ST8SIA5: variants seen among roughly 807,000 people sequenced by gnomAD.
The protein encoded by ST8SIA5 is alpha-2,8-sialyltransferase 8E.
Under a neutral mutation model 40.2 loss-of-function variants are expected in ST8SIA5, and 24 were observed. The ratio of observed to expected loss-of-function variants is 0.60; its 90% CI spans 0.43 to 0.84. ST8SIA5 has a LOEUF of 0.84. ST8SIA5 is among the 40% of genes least tolerant of loss of function. ST8SIA5 has a pLI of 0.00. For missense variants in ST8SIA5, 465 were observed against 498.5 expected, an observed-to-expected ratio of 0.93 and a Z score of 0.64; for synonymous variants, 198 against 201.8, an observed-to-expected ratio of 0.98 and a Z score of 0.16.
chr18:46,680,099 C>T lies in ST8SIA5; in HGVS notation c.1074G>A (p.Leu358=), dbSNP rs2039372748. The T allele has an allele frequency of 1.2e-6, 2 of 1,614,100 alleles. No individual in the cohort carries two copies. Among genetic ancestry groups the T allele is most frequent in the Non-Finnish European group, 1.7e-6 (2 of 1,180,014 alleles). ...HAMPSEIFNF[L]HLHSRGILRV... is the part of the protein sequence containing the mutation. ...GGAGGATGCCTCGGCTGTGCAAGTG[C>T]AGGAAGTTGAAGATCTCAGAGGGCA... is the stretch of plus-strand genomic sequence containing the variant. The change falls in exon 7 of 7, where the codon CTG becomes CTA. Residue 358 remains leucine (L), a synonymous_variant. Transcript: ENST00000315087.
intron 1 of ST8SIA5, among the ~76,000 whole-genome samples, chr18:46,719,495 T>A (rs2039829626): frequency 6.6e-6 from 1 of 151,874 alleles, no homozygotes; most frequent in African/African-American, 2.4e-5. Flanking sequence ...AAGTTACAGG[T>A]GAAACCGTGG....
intron 2 of ST8SIA5, among the ~76,000 whole-genome samples, chr18:46,701,653 G>T (rs1259154876): frequency 6.6e-6 from 1 of 152,074 alleles, no homozygotes; most frequent in Non-Finnish European, 1.5e-5. Flanking sequence ...TCAGACCCCT[G>T]GCCTCCAGAA....
At chr18:46,686,334 TCGACCTGCTA>T (rs2039447681) in intron 4 of ST8SIA5, 48 bp from the exon 5 acceptor site, 1 of 1,507,088 alleles carries the variant, frequency 6.6e-7, no homozygotes, top group Admixed American at 1.7e-5. Flanking sequence ...ACCCCCTGCC[TCGACCTGCTA>T]CTCTCACCTC....
chr18:46,752,205 C>A (rs1223155011), intron 1 of ST8SIA5, among the ~76,000 whole-genome samples: 34 of 152,136 alleles, frequency 2.2e-4, no homozygotes, highest in Non-Finnish European at 1.5e-5. Flanking sequence ...AAGACCCCTT[C>A]AAATGCCTCC....
chr18:46,693,224 C>T (rs1201315317), intron 2 of ST8SIA5, among the ~76,000 whole-genome samples: 1 of 152,172 alleles, frequency 6.6e-6, no homozygotes, highest in East Asian at 1.9e-4. Flanking sequence ...TGCCCACCCC[C>T]CAGGGCCTGC....
At chr18:46,737,251 C>G (rs2144554256) in intron 1 of ST8SIA5, among the ~76,000 whole-genome samples, 1 of 152,308 alleles carries the variant, frequency 6.6e-6, no homozygotes, top group Middle Eastern at 3.4e-3. Context: ...CAGGTCCCAC[C>G]AGGGTACTCC....
intron 5 of ST8SIA5, among the ~76,000 whole-genome samples, chr18:46,684,614 A>G (rs2039427982): frequency 6.6e-6 from 1 of 152,274 alleles, no homozygotes; most frequent in South Asian, 2.1e-4. Flanking sequence ...GAACCACTAT[A>G]CGCTCCACTT....
intron 1 of ST8SIA5, among the ~76,000 whole-genome samples, chr18:46,747,768 A>G (rs2040154824): frequency 6.6e-6 from 1 of 152,242 alleles, no homozygotes; most frequent in African/African-American, 2.4e-5. Context: ...AGACTCATGC[A>G]CACATATGTT....
intron 1 of ST8SIA5, among the ~76,000 whole-genome samples, chr18:46,746,656 C>T (rs1300987998): frequency 6.6e-6 from 1 of 152,006 alleles, no homozygotes; most frequent in Non-Finnish European, 1.5e-5. Context: ...AGGTAATTTA[C>T]AGATTCAATG....
intron 1 of ST8SIA5, among the ~76,000 whole-genome samples, chr18:46,706,664 T>C (rs2039673246): frequency 6.6e-6 from 1 of 152,210 alleles, no homozygotes; most frequent in Admixed American, 6.5e-5. Flanking sequence ...GGAGGAAAGC[T>C]AAAAATGACA....
intron 1 of ST8SIA5, among the ~76,000 whole-genome samples, chr18:46,750,596 C>T (rs1335287147): frequency 6.6e-6 from 1 of 152,152 alleles, no homozygotes; most frequent in African/African-American, 2.4e-5. Context: ...CCTCTACTGC[C>T]AACCCAGCAG....
At chr18:46,720,627 C>T (rs1337269241) in intron 1 of ST8SIA5, among the ~76,000 whole-genome samples, 2 of 152,070 alleles carry the variant, frequency 1.3e-5, no homozygotes, top group African/African-American at 4.8e-5. Flanking sequence ...AGAGTTACCC[C>T]CTCCTTAAAA....
At chr18:46,721,570 C>T (rs1332159146) in intron 1 of ST8SIA5, 4 of 968,038 alleles carry the variant, frequency 4.1e-6, no homozygotes, top group Non-Finnish European at 6.3e-6. Context: ...TGACACATTG[C>T]CTTGGTCATG....
At chr18:46,714,116 G>C (rs957397125) in intron 1 of ST8SIA5, among the ~76,000 whole-genome samples, 5 of 152,140 alleles carry the variant, frequency 3.3e-5, no homozygotes, top group Non-Finnish European at 7.4e-5. Context: ...CAGGAGGCTC[G>C]CATGGGGAAG....
rs148350144 is a variant in ST8SIA5 at position 46,708,729 on chromosome 18, A to G, written c.132-4065T>C. On this transcript the variant is annotated intron_variant, in intron 1 of 6. Coordinates refer to ENST00000315087, the MANE Select transcript of ST8SIA5 (RefSeq NM_013305.6). ...CCAGTTCCTTTCCATGGAAATCCCA[A>G]CGACGGCTCTTGCCCACACTTCCCC... Among the ~76,000 whole-genome samples, 49 of 152,156 alleles carry G rather than the reference A, an allele frequency of 3.2e-4. No homozygotes were observed. The East Asian group carries it at 9.3e-3, about 29-fold the overall frequency.
chr18:46,710,499 T>C (rs1322555206), intron 1 of ST8SIA5, among the ~76,000 whole-genome samples: 5 of 142,224 alleles, frequency 3.5e-5, no homozygotes, highest in African/African-American at 1.3e-4. Flanking sequence ...TCCCCTTCCC[T>C]TCCCTTCCCT....
At chr18:46,695,075 C>T (rs574507564) in intron 2 of ST8SIA5, among the ~76,000 whole-genome samples, 1 of 150,998 alleles carries the variant, frequency 6.6e-6, no homozygotes, top group South Asian at 2.1e-4. Context: ...AGGAGAATCG[C>T]TTGAACCCAG....
chr18:46,719,404 G>A (rs1485034075), intron 1 of ST8SIA5, among the ~76,000 whole-genome samples: 1 of 152,176 alleles, frequency 6.6e-6, no homozygotes, highest in East Asian at 1.9e-4. Context: ...GAGGCAATGG[G>A]GAGGAAGAAA....
chr18:46,703,721 C>T (rs998476223), intron 2 of ST8SIA5, among the ~76,000 whole-genome samples: 1 of 152,148 alleles, frequency 6.6e-6, no homozygotes, highest in Non-Finnish European at 1.5e-5. Context: ...ACATTGCCTG[C>T]CTCTGAATAA....
Sources: allele counts gnomAD v4.1 joint callset (sites outside exome capture counted in the v4.1 genomes callset), GRCh38; gene constraint gnomAD v4.1.1; transcripts MANE v1.5; gene names NCBI Gene and HGNC (gene_info 2026-07-23, HGNC 2026-07-21).